Variants in KDM5B observed in about 807,000 individuals in gnomAD.
The protein encoded by KDM5B is lysine demethylase 5B, also known as lysine-specific demethylase 5B.
KDM5B carries 144 observed loss-of-function variants against 193.4 expected under a neutral mutation model. The observed-to-expected ratio is 0.74, with a 90% CI of 0.65 to 0.86. The LOEUF (loss-of-function observed/expected upper bound fraction) is 0.86, where lower values mean the gene tolerates loss of function less well. KDM5B is among the 40% of genes least tolerant of loss of function. KDM5B has a pLI of 0.00. For synonymous variants in KDM5B, 668 were observed against 682.6 expected (o/e 0.98, Z 0.33); for missense variants, 1,833 against 1,886.9 (o/e 0.97, Z 0.53).
chr1:202,785,282 T>C (rs1450960866), intron 1 of KDM5B, among the ~76,000 whole-genome samples: 1 of 152,206 alleles, frequency 6.6e-6, no homozygotes, highest in Non-Finnish European at 1.5e-5. Flanking sequence ...GCACATTTTA[T>C]CATAGCCACT....
chr1:202,746,758 G>C (rs554815949), intron 14 of KDM5B, among the ~76,000 whole-genome samples: 92 of 152,292 alleles, frequency 6.0e-4, no homozygotes, highest in Admixed American at 6.0e-3. Flanking sequence ...AAGATGGGAC[G>C]AGTGGAAAAG....
chr1:202,796,397 C>CA (rs950118537), intron 1 of KDM5B: 2 of 245,304 alleles, frequency 8.2e-6, no homozygotes, highest in African/African-American at 4.7e-5. Flanking sequence ...AGTGGCCTCC[C>CA]AGCCACCCTG....
At chr1:202,800,766 A>C (rs551510363) in intron 1 of KDM5B, among the ~76,000 whole-genome samples, 11 of 152,340 alleles carry the variant, frequency 7.2e-5, no homozygotes, top group Admixed American at 5.2e-4. Context: ...CCAATACAAA[A>C]ATGAACAGAT....
intron 1 of KDM5B, among the ~76,000 whole-genome samples, chr1:202,790,007 G>A (rs979298415): frequency 6.6e-6 from 1 of 151,722 alleles, no homozygotes; most frequent in Non-Finnish European, 1.5e-5. Context: ...CAGATCACTT[G>A]AGGTCTGGAG....
rs185095949 is a variant in KDM5B, at chr1:202,764,899, C to A, written c.712-754G>T. On this transcript the variant is annotated intron_variant, in intron 5 of 26. Transcript: ENST00000367265. ...GGCTGAGGCATGAGATTTGCTTGAA[C>A]CCAGGAGGCAGAGGTTGCAGTGAGC... Among the ~76,000 whole-genome samples the A allele has an allele frequency of 2.1e-4, 32 of 152,284 alleles. No homozygotes were observed. In the East Asian group the frequency reaches 5.6e-3, roughly 27 times the overall value.
At chr1:202,807,914 T>C (rs372180262) in intron 1 of KDM5B, among the ~76,000 whole-genome samples, 188 bp downstream of exon 1, 2,068 of 150,844 alleles carry the variant, frequency 0.014, 25 homozygotes, top group Non-Finnish European at 0.023. Flanking sequence ...GCTCCTCATC[T>C]CCCACCCTGG....
intron 5 of KDM5B, among the ~76,000 whole-genome samples, chr1:202,764,463 T>C (rs1656368174): frequency 6.6e-6 from 1 of 151,928 alleles, no homozygotes; most frequent in African/African-American, 2.4e-5. Context: ...AGTGAAACCC[T>C]GTCTCTACTA....
intron 8 of KDM5B, among the ~76,000 whole-genome samples, chr1:202,759,803 A>C (rs1037814251): frequency 1.3e-5 from 2 of 152,216 alleles, no homozygotes; most frequent in Admixed American, 6.5e-5. Flanking sequence ...GCATAACTCT[A>C]CTTTTTAAGT....
Position 202,808,275 on chromosome 1 carries a change from G to A in KDM5B, c.31C>T (p.Pro11Ser), listed in dbSNP as rs1273414280. The A allele has an allele frequency of 2.5e-6, 4 of 1,607,628 alleles. No homozygotes were observed. The South Asian group carries it at 4.4e-5, about 18-fold the overall frequency. The stretch of plus-strand genomic sequence containing the variant: ...CCCCCGAGGGGCAGCGCCGGGCGCG[G>A]GCCTGGGTGCAGTGTGGTGGCCGCC... MEAATTLHPG[P>S]RPALPLGGPG... Residue 11 changes from proline to serine, a missense_variant, in exon 1 of 27, where the codon CCG becomes TCG. This residue lies in a region of KDM5B where 355 missense variants were observed against 374.9 expected (regional missense o/e 0.95). Transcript: ENST00000367265.
In KDM5B at chr1:202,758,453, G is replaced by C. The variant is rs1656107754; in HGVS notation, c.1135C>G (p.Leu379Val). ...GFEQAARDYT[L>V]RTFGEMADAF... Reference sequence around the variant, plus strand: ...TCTGCCATTTCCCCAAAAGTACGGAGGGTATAGTCCCTGGCTGCTTGTTCA... The same window carrying C: ...TCTGCCATTTCCCCAAAAGTACGGACGGTATAGTCCCTGGCTGCTTGTTCA... Residue 379 changes from leucine to valine, a missense_variant, in exon 9 of 27, where the codon CTC (leucine) becomes GTC (valine). Physicochemically the swap from Leu to Val is conservative, Grantham distance 32 (BLOSUM62 1). This residue lies in a region of KDM5B where 99 missense variants were observed against 162.4 expected (regional missense o/e 0.61). Transcript: ENST00000367265. 1 of 1,612,930 alleles carries C rather than the reference G, an allele frequency of 6.2e-7. No homozygotes were observed. Among genetic ancestry groups the C allele is most frequent in the African/African-American group, 1.3e-5 (1 of 75,024 alleles).
chr1:202,737,721 C>G (rs1655147476), intron 20 of KDM5B, among the ~76,000 whole-genome samples: 1 of 152,124 alleles, frequency 6.6e-6, no homozygotes, highest in South Asian at 2.1e-4. Context: ...GAAGGTGGAG[C>G]ATACCATGGG....
intron 1 of KDM5B, among the ~76,000 whole-genome samples, chr1:202,790,696 G>C (rs944298720): frequency 1.3e-5 from 2 of 151,866 alleles, no homozygotes; most frequent in East Asian, 1.9e-4. Context: ...CTCCAGCCTG[G>C]GTGACAGAGT....
At chr1:202,748,413 C>T (rs138267681) in intron 14 of KDM5B, among the ~76,000 whole-genome samples, 2 of 150,514 alleles carry the variant, frequency 1.3e-5, no homozygotes, top group Admixed American at 1.3e-4. Context: ...TGGACTTCAT[C>T]AAAATGAAAA....
Position 202,745,919 on chromosome 1 carries a change from A to C in KDM5B, c.2262T>G (p.Ser754=). 1 of 1,614,088 alleles carries C rather than the reference A, an allele frequency of 6.2e-7. No homozygotes were observed. Among genetic ancestry groups the C allele is most frequent in the Non-Finnish European group, 8.5e-7 (1 of 1,179,920 alleles). Residue 754 remains serine, a synonymous_variant, in exon 16 of 27, where the codon TCT becomes TCG. Transcript: ENST00000367265. The stretch of plus-strand genomic sequence containing the variant: ...TCACATTCAAGGCCCATTCGTTGTA[A>C]GATTCTGCTCGAAGCTTCAATGCAT... ...MMNALKLRAE[S]YNEWALNVNE... is the part of the protein sequence containing the mutation.
At chr1:202,797,199 C>T (rs912242155) in intron 1 of KDM5B, 2 of 152,114 alleles carry the variant, frequency 1.3e-5, no homozygotes, top group African/African-American at 2.4e-5. Flanking sequence ...TCCTTGTTTC[C>T]ATTCCCGCTG....
intron 11 of KDM5B, among the ~76,000 whole-genome samples, chr1:202,754,673 T>C (rs1655938416): frequency 1.3e-5 from 2 of 152,248 alleles, no homozygotes; most frequent in African/African-American, 4.8e-5. Context: ...ATATGCTTTT[T>C]CTATAGGTAA....
chr1:202,733,098 G>A (rs376695592), intron 23 of KDM5B, among the ~76,000 whole-genome samples: 78 of 152,242 alleles, frequency 5.1e-4, no homozygotes, highest in African/African-American at 1.8e-3. Flanking sequence ...CATCATATAC[G>A]TATATGTAAA....
chr1:202,793,372 T>C (rs1657718524), intron 1 of KDM5B, among the ~76,000 whole-genome samples: 1 of 152,226 alleles, frequency 6.6e-6, no homozygotes, highest in African/African-American at 2.4e-5. Context: ...ACTATGGTTA[T>C]ATAAAAGGCA....
intron 4 of KDM5B, among the ~76,000 whole-genome samples, chr1:202,767,919 C>T (rs9660926): frequency 0.079 from 11,902 of 151,600 alleles, 554 homozygotes; most frequent in African/African-American, 0.12. Flanking sequence ...AACAAGTGTT[C>T]GGAATAAAAA....
Sources: allele counts gnomAD v4.1 joint callset (sites outside exome capture counted in the v4.1 genomes callset), GRCh38; gene constraint gnomAD v4.1.1; regional missense constraint gnomAD v4.1.1; transcripts MANE v1.5; gene names NCBI Gene and HGNC (gene_info 2026-07-23, HGNC 2026-07-21).